Variants in DAP3 observed in about 807,000 individuals in gnomAD.
DAP3 encodes death associated protein 3, also known as small ribosomal subunit protein mS29.
Under a neutral mutation model 51.9 loss-of-function variants are expected in DAP3, and 28 were observed. That is an observed-to-expected ratio of 0.54 (90% CI 0.40 to 0.74). The LOEUF (loss-of-function observed/expected upper bound fraction) is 0.74, where lower values mean the gene tolerates loss of function less well. Among genes scored for constraint, DAP3 ranks in the 30% least tolerant of loss-of-function variants. The pLI, the probability that DAP3 is intolerant of heterozygous loss-of-function variation, is 0.00. For synonymous variants in DAP3, 170 were observed against 170.3 expected, an observed-to-expected ratio of 1.00 and a Z score of 0.01; for missense variants, 458 against 483.5, an observed-to-expected ratio of 0.95 and a Z score of 0.49.
chr1:155,689,392 C>G (rs978992457), intron 1 of DAP3: 25 of 490,092 alleles, frequency 5.1e-5, no homozygotes, highest in African/African-American at 4.5e-4. Context: ...TTTCACACCA[C>G]TGTCCATATG....
chr1:155,731,313 A>C (rs1659222707), intron 9 of DAP3, 43 bp from the exon 10 acceptor site: 2 of 1,579,250 alleles, frequency 1.3e-6, no homozygotes, highest in Non-Finnish European at 8.7e-7. Flanking sequence ...ACATCTAGGA[A>C]AGGCACGTGA....
upstream of DAP3, chr1:155,688,006 A>G: frequency 3.4e-6 from 5 of 1,490,934 alleles, no homozygotes; most frequent in Non-Finnish European, 4.5e-6. Flanking sequence ...GCTCCCAGAA[A>G]GCCCAGGATT....
chr1:155,705,325 G>A (rs1306846020), intron 1 of DAP3, among the ~76,000 whole-genome samples: 1 of 151,476 alleles, frequency 6.6e-6, no homozygotes, highest in Non-Finnish European at 1.5e-5. Context: ...AGCAGAGCAT[G>A]GTGGCTCACA....
At chr1:155,688,953 G>T (rs766504302), upstream of DAP3, 1 of 1,611,270 alleles carries the variant, frequency 6.2e-7, no homozygotes, top group East Asian at 2.2e-5. Context: ...TCGCCGCGGC[G>T]CTGCGGCTCG....
At chr1:155,725,746 C>T (rs1222695568) in intron 5 of DAP3, among the ~76,000 whole-genome samples, 181 bp from the exon 6 acceptor site, 2 of 152,116 alleles carry the variant, frequency 1.3e-5, no homozygotes, top group South Asian at 2.1e-4. Context: ...CACCTGTAAT[C>T]CCAGCTACTT....
chr1:155,701,455 TTTG>T (rs1203493532), intron 1 of DAP3, among the ~76,000 whole-genome samples: 1 of 113,112 alleles, frequency 8.8e-6, no homozygotes, highest in African/African-American at 3.9e-5. Flanking sequence ...CAAGATGTGC[TTTG>T]TTAAACAGAT....
At chr1:155,702,151 T>TA (rs71080722) in intron 1 of DAP3, among the ~76,000 whole-genome samples, 28,339 of 101,514 alleles carry the variant, frequency 0.28, 3,431 homozygotes, top group East Asian at 0.65. Flanking sequence ...ATTCTGCCTA[T>TA]AAAAAAAAAA....
chr1:155,729,723 G>T (rs530931986), intron 9 of DAP3, among the ~76,000 whole-genome samples: 4 of 152,142 alleles, frequency 2.6e-5, no homozygotes, highest in African/African-American at 4.8e-5. Flanking sequence ...GTTCAAGGTT[G>T]TAGTGTGGCA....
chr1:155,720,076 A>T (rs1317748435), intron 3 of DAP3, among the ~76,000 whole-genome samples: 1 of 145,078 alleles, frequency 6.9e-6, no homozygotes, highest in Non-Finnish European at 1.5e-5. Context: ...TGTAATCCCA[A>T]CACTGAGAGG....
At chr1:155,725,863 A>G (rs1251575374) in intron 5 of DAP3, 64 bp from the exon 6 acceptor site, 5 of 1,510,220 alleles carry the variant, frequency 3.3e-6, no homozygotes, top group African/African-American at 1.4e-5. Flanking sequence ...AAAACAAAGC[A>G]TAACTACTGT....
rs765382125 is a variant in DAP3 at position 155,725,503 on chromosome 1, G to A, written c.379+13G>A. ...CGATATCTTCTGTGTATCCTTTCCT[G>A]CCTGCGTGGACCCTCATGAACCAAT... On this transcript the variant is annotated intron_variant, in intron 5 of 12. Coordinates refer to ENST00000368336, the MANE Select transcript of DAP3 (RefSeq NM_004632.4). The A allele has an allele frequency of 1.9e-6, 3 of 1,601,260 alleles. No homozygotes were observed. In the East Asian group the frequency reaches 6.7e-5, roughly 36 times the overall value.
intron 1 of DAP3, among the ~76,000 whole-genome samples, chr1:155,700,333 GCTGT>G (rs914902605): frequency 2.6e-5 from 4 of 152,216 alleles, no homozygotes; most frequent in African/African-American, 9.6e-5. Context: ...CATTCTGTGG[GCTGT>G]CTTTCACTTA....
At chr1:155,700,332 G>A (rs1393541942) in intron 1 of DAP3, among the ~76,000 whole-genome samples, 17 of 152,152 alleles carry the variant, frequency 1.1e-4, no homozygotes. Context: ...CCATTCTGTG[G>A]GCTGTCTTTC....
At chr1:155,725,843 T>G in intron 5 of DAP3, 84 bp from the exon 6 acceptor site, 1 of 1,350,328 alleles carries the variant, frequency 7.4e-7, no homozygotes, top group East Asian at 2.4e-5. Context: ...CAACCCCATC[T>G]CAAAAAAACA....
chr1:155,691,474 G>C lies in DAP3; in HGVS notation c.-8+2300G>C, dbSNP rs1009578073. Reference sequence around the variant, plus strand: ...ATATTCCATTATATGGCTATACCACGTTATGTTTATTCATCAATTGATGGA... The same window carrying C: ...ATATTCCATTATATGGCTATACCACCTTATGTTTATTCATCAATTGATGGA... On this transcript the variant is annotated intron_variant, in intron 1 of 12. Coordinates refer to ENST00000368336, the MANE Select transcript of DAP3 (RefSeq NM_004632.4). 1.4e-5 allele frequency among the ~76,000 whole-genome samples: 2 copies of C among 141,934 alleles called. 1 individual carries two copies. The highest frequency in any genetic ancestry group is 6.4e-5 in the African/African-American group (2 of 31,436). The allele number at this position is 141,934 out of a possible 152,430, so 93.1% of individuals were successfully genotyped here.
intron 4 of DAP3, chr1:155,721,836 A>C: frequency 1.9e-6 from 1 of 532,532 alleles, no homozygotes; most frequent in Non-Finnish European, 3.3e-6. Context: ...AGAAGATTCC[A>C]GTAATTTCAG....
At chr1:155,736,651 A>G in intron 11 of DAP3, 4 of 357,860 alleles carry the variant, frequency 1.1e-5, no homozygotes, top group Non-Finnish European at 2.1e-5. Flanking sequence ...TCCTGGGCTC[A>G]AGCAATATGC....
chr1:155,689,079 C>T (rs1186344566), upstream of DAP3: 4 of 1,482,814 alleles, frequency 2.7e-6, no homozygotes, highest in East Asian at 4.9e-5. Context: ...CCGGATGACC[C>T]GACCCTTTTT....
At chr1:155,701,166 G>T (rs1399542808) in intron 1 of DAP3, among the ~76,000 whole-genome samples, 1 of 111,818 alleles carries the variant, frequency 8.9e-6, no homozygotes, top group Non-Finnish European at 1.7e-5. Flanking sequence ...CCACCACCCC[G>T]TCTGGGAGGT....
Sources: allele counts gnomAD v4.1 joint callset (sites outside exome capture counted in the v4.1 genomes callset), GRCh38; gene constraint gnomAD v4.1.1; transcripts MANE v1.5; gene names NCBI Gene and HGNC (gene_info 2026-07-23, HGNC 2026-07-21).